The following PIP5K1B variants were observed in gnomAD, a reference collection of about 807,000 sequenced individuals.
PIP5K1B encodes phosphatidylinositol-4-phosphate 5-kinase type 1 beta.
A neutral mutation model predicts 67.0 loss-of-function variants in PIP5K1B; 42 were observed. The observed-to-expected ratio is 0.63, with a 90% confidence interval of 0.49 to 0.81. The LOEUF (loss-of-function observed/expected upper bound fraction) is 0.81, where lower values mean the gene tolerates loss of function less well. Ranked by LOEUF, PIP5K1B falls within the 30% of genes least tolerant of loss-of-function variation. The probability of loss-of-function intolerance (pLI) is 0.00; values close to 1 mark genes in which losing one functional copy is unlikely to be tolerated. For synonymous variants in PIP5K1B, 214 were observed against 231.4 expected (o/e 0.92, Z 0.68); for missense variants, 459 against 646.3 (o/e 0.71, Z 3.14).
intron 12 of PIP5K1B, among the ~76,000 whole-genome samples, chr9:68,925,211 T>G (rs1019633447): frequency 3.9e-5 from 6 of 152,178 alleles, no homozygotes; most frequent in African/African-American, 1.4e-4. Context: ...TCTTAATAGT[T>G]TATGAACATA....
chr9:68,781,061 G>A, intron 2 of PIP5K1B: 2 of 1,584,360 alleles, frequency 1.3e-6, no homozygotes, highest in Non-Finnish European at 1.7e-6. Context: ...TTTTGCAGTG[G>A]AGAGAGAGAA....
intron 2 of PIP5K1B, among the ~76,000 whole-genome samples, chr9:68,807,399 C>G (rs911436207): frequency 6.6e-6 from 1 of 152,164 alleles, no homozygotes; most frequent in African/African-American, 2.4e-5. Flanking sequence ...CCTGCTCAGT[C>G]CTTTTCTGCC....
chr9:69,003,348 G>A (rs369608800), intron 15 of PIP5K1B, among the ~76,000 whole-genome samples: 2 of 151,946 alleles, frequency 1.3e-5, no homozygotes, highest in Admixed American at 6.6e-5. Context: ...TGATGCTTTC[G>A]TCAAAGATAT....
At position 68,894,378 on chromosome 9, in the gene PIP5K1B, T is replaced by C; in HGVS notation, c.511T>C (p.Tyr171His). 1 of 1,609,896 alleles carries C rather than the reference T, an allele frequency of 6.2e-7. No homozygotes were observed. Among genetic ancestry groups the C allele is most frequent in the Non-Finnish European group, 8.5e-7 (1 of 1,178,276 alleles). The change falls in exon 8 of 16, where the codon TAC becomes CAC. Residue 171 changes from tyrosine to histidine, a missense_variant. This residue lies in a region of PIP5K1B where 290 missense variants were observed against 474.4 expected (regional missense o/e 0.61). Coordinates refer to ENST00000265382, the MANE Select transcript of PIP5K1B (RefSeq NM_003558.4). ...TCCAAGGACTCTTTTGCCAAAATTT[T>C]ACGGACTGTATTGTATGCAATCAGG... ...QNPRTLLPKF[Y>H]GLYCMQSGGI...
chr9:68,960,301 G>A (rs1828644525), intron 14 of PIP5K1B, among the ~76,000 whole-genome samples: 1 of 152,114 alleles, frequency 6.6e-6, no homozygotes, highest in South Asian at 2.1e-4. Flanking sequence ...CCCCATCTCT[G>A]AAAGTTTAAA....
chr9:68,855,942 A>G (rs1564186689), intron 4 of PIP5K1B, among the ~76,000 whole-genome samples: 1 of 152,190 alleles, frequency 6.6e-6, no homozygotes, highest in Admixed American at 6.5e-5. Flanking sequence ...CTACAAGCTC[A>G]GTGGCTTAAA....
intron 9 of PIP5K1B, among the ~76,000 whole-genome samples, chr9:68,919,147 A>G (rs1310797430): frequency 6.6e-6 from 1 of 152,208 alleles, no homozygotes; most frequent in Non-Finnish European, 1.5e-5. Flanking sequence ...ATATTTTATA[A>G]TGGTCTAAAA....
chr9:68,758,936 T>C (rs1454225646), intron 2 of PIP5K1B, among the ~76,000 whole-genome samples: 7 of 152,142 alleles, frequency 4.6e-5, no homozygotes, highest in Admixed American at 4.6e-4. Context: ...GAAAGTGATA[T>C]AACATTTTAA....
chr9:68,721,972 C>T (rs1827909334), intron 1 of PIP5K1B, among the ~76,000 whole-genome samples: 1 of 152,204 alleles, frequency 6.6e-6, no homozygotes, highest in South Asian at 2.1e-4. Context: ...CCTACTGTTT[C>T]GGAAGACCTC....
chr9:68,726,722 T>G (rs1239316866), intron 1 of PIP5K1B, among the ~76,000 whole-genome samples: 3 of 152,236 alleles, frequency 2.0e-5, no homozygotes, highest in Non-Finnish European at 4.4e-5. Context: ...TGTTAAAAGT[T>G]GCTGGAATTC....
chr9:68,943,996 T>C (rs919686170), intron 14 of PIP5K1B, among the ~76,000 whole-genome samples: 3 of 152,168 alleles, frequency 2.0e-5, no homozygotes, highest in African/African-American at 7.2e-5. Flanking sequence ...AAAACTCTGA[T>C]AGCAACCCAT....
chr9:68,857,570 A>G (rs1366330627), intron 4 of PIP5K1B, among the ~76,000 whole-genome samples: 1 of 152,170 alleles, frequency 6.6e-6, no homozygotes. Flanking sequence ...GAGCTGTAGA[A>G]ATGAAGGAAC....
intron 14 of PIP5K1B, among the ~76,000 whole-genome samples, chr9:68,989,746 G>A (rs937077339): frequency 3.8e-4 from 58 of 152,254 alleles, no homozygotes; most frequent in Middle Eastern, 3.4e-3. Context: ...TTGGGAGGCC[G>A]TGGTGGGTAG....
intron 4 of PIP5K1B, among the ~76,000 whole-genome samples, chr9:68,841,591 T>G (rs1821926089): frequency 6.6e-6 from 1 of 152,216 alleles, no homozygotes; most frequent in Non-Finnish European, 1.5e-5. Context: ...CTTAGATGGA[T>G]TTTTTAATAG....
At chr9:68,828,928 C>T (rs1564167156) in intron 4 of PIP5K1B, among the ~76,000 whole-genome samples, 1 of 152,076 alleles carries the variant, frequency 6.6e-6, no homozygotes, top group African/African-American at 2.4e-5. Flanking sequence ...ATGGTGAAAC[C>T]CCATCTCTAC....
At chr9:68,926,268 C>G (rs1826695569) in intron 12 of PIP5K1B, among the ~76,000 whole-genome samples, 1 of 151,940 alleles carries the variant, frequency 6.6e-6, no homozygotes, top group Non-Finnish European at 1.5e-5. Context: ...GTTTTTCTTT[C>G]TTAGGGGCAT....
intron 1 of PIP5K1B, 51 bp from the exon 2 acceptor site, chr9:68,742,450 C>G (rs1829058608): frequency 6.6e-6 from 1 of 152,108 alleles, no homozygotes. Flanking sequence ...TCACTTATTC[C>G]CCTCTTCACC....
Position 68,726,291 on chromosome 9 carries a change from A to G in PIP5K1B, c.-242-16210A>G, listed in dbSNP as rs543975594. Among the ~76,000 whole-genome samples, 38 of 152,346 alleles carry G rather than the reference A, an allele frequency of 2.5e-4. No homozygotes were observed. In the South Asian group the frequency reaches 7.0e-3, roughly 28 times the overall value. On this transcript the variant is annotated intron_variant, in intron 1 of 15. Transcript: ENST00000265382. ...CCAATGAAAATTACAAATTAAAAAA[A>G]TTGAAATGATTATAGTCTGATGACC... is the stretch of plus-strand genomic sequence containing the variant.
intron 2 of PIP5K1B, among the ~76,000 whole-genome samples, chr9:68,753,515 CTTTTTTTTT>C (rs71500334): frequency 2.4e-4 from 9 of 38,284 alleles, no homozygotes; most frequent in South Asian, 2.0e-3. Flanking sequence ...AATTTTGTTT[CTTTTTTTTT>C]TTTTTTTTTT....
Sources: allele counts gnomAD v4.1 joint callset (sites outside exome capture counted in the v4.1 genomes callset), GRCh38; gene constraint gnomAD v4.1.1; regional missense constraint gnomAD v4.1.1; transcripts MANE v1.5; gene names NCBI Gene and HGNC (gene_info 2026-07-23, HGNC 2026-07-21).